The following KIF16B variants were observed in gnomAD, a reference collection of about 807,000 sequenced individuals.
KIF16B encodes kinesin family member 16B.
A neutral mutation model predicts 156.3 loss-of-function variants in KIF16B; 98 were observed. The observed-to-expected ratio is 0.63, with a 90% CI of 0.53 to 0.74. The LOEUF (loss-of-function observed/expected upper bound fraction) is 0.74. Ranked by LOEUF, KIF16B falls within the 30% of genes least tolerant of loss-of-function variation. The pLI is 0.00. For synonymous variants in KIF16B, 564 were observed against 583.7 expected, an observed-to-expected ratio of 0.97 and a Z score of 0.49; for missense variants, 1,421 against 1,606.5, an observed-to-expected ratio of 0.88 and a Z score of 1.97.
chr20:16,384,513 C>G (rs1157873382), intron 17 of KIF16B, among the ~76,000 whole-genome samples: 1 of 152,124 alleles, frequency 6.6e-6, no homozygotes, highest in Non-Finnish European at 1.5e-5. Context: ...AGAAGCTGGA[C>G]AGTGAAGAGC....
At position 16,503,098 on chromosome 20, in the gene KIF16B, C is replaced by A. The variant is rs1429898684; in HGVS notation, c.1176+1274G>T. Among the ~76,000 whole-genome samples, 4 of 152,160 alleles carry A rather than the reference C, an allele frequency of 2.6e-5. No individual in the cohort carries two copies. In the East Asian group the frequency reaches 7.7e-4, roughly 29 times the overall value. ...AGGCATGGTGGCAGGCACCTCCCAG[C>A]TACTCAGGAGGCTGAGGCATGAGAA... On this transcript the variant is annotated intron_variant, in intron 10 of 25. Transcript: ENST00000354981.
intron 25 of KIF16B, among the ~76,000 whole-genome samples, chr20:16,277,411 A>T (rs1333117891): frequency 1.3e-5 from 2 of 151,052 alleles, no homozygotes; most frequent in African/African-American, 2.4e-5. Flanking sequence ...TTTACACTCA[A>T]ATCTAAGCTT....
chr20:16,458,129 T>C (rs1291041408), intron 12 of KIF16B, among the ~76,000 whole-genome samples: 2 of 152,256 alleles, frequency 1.3e-5, no homozygotes, highest in Middle Eastern at 3.4e-3. Flanking sequence ...ATGCAGCTGC[T>C]GTAAGAGCAA....
intron 12 of KIF16B, among the ~76,000 whole-genome samples, chr20:16,436,478 A>G (rs574345810): frequency 6.6e-6 from 1 of 152,330 alleles, no homozygotes; most frequent in South Asian, 2.1e-4. Context: ...GAGTCAGCTC[A>G]GCTCTCACTT....
intron 23 of KIF16B, among the ~76,000 whole-genome samples, chr20:16,340,394 T>C (rs1166108614): frequency 6.6e-6 from 1 of 152,230 alleles, no homozygotes; most frequent in Non-Finnish European, 1.5e-5. Flanking sequence ...CTGGATTTAC[T>C]AATATATCTT....
chr20:16,346,799 C>A (rs889154215), intron 23 of KIF16B, among the ~76,000 whole-genome samples: 1 of 152,210 alleles, frequency 6.6e-6, no homozygotes, highest in African/African-American at 2.4e-5. Flanking sequence ...TCTGCCAACA[C>A]CTCTGTGAAG....
Position 16,443,191 on chromosome 20 carries a change from C to T in KIF16B, c.1303-13209G>A, listed in dbSNP as rs2066849196. Among the ~76,000 whole-genome samples, 6 of 152,152 alleles carry T rather than the reference C, an allele frequency of 3.9e-5. No individual in the cohort carries two copies. In the South Asian group the frequency reaches 1.0e-3, roughly 26 times the overall value. On this transcript the variant is annotated intron_variant, in intron 12 of 25. Transcript: ENST00000354981. ...AAGAGAGAATATAACCCCCTTCCACCTTGTATTAATCAAATATTCACTCCA... is the reference window on the plus strand; with the variant it reads ...AAGAGAGAATATAACCCCCTTCCACTTTGTATTAATCAAATATTCACTCCA...
chr20:16,326,616 T>C (rs2063854699), intron 24 of KIF16B, among the ~76,000 whole-genome samples: 1 of 151,948 alleles, frequency 6.6e-6, no homozygotes, highest in Non-Finnish European at 1.5e-5. Flanking sequence ...AAACCCACAA[T>C]GCGATACCAC....
At position 16,311,573 on chromosome 20, in the gene KIF16B, G is replaced by A. The variant is rs369367915; in HGVS notation, c.3795+762C>T. ...CCTGAAAGCTTGCTAACACTAGGTC[G>A]TCATCAGCTATTTGCACTTCTGTCC... On this transcript the variant is annotated intron_variant, in intron 25 of 25. Transcript: ENST00000354981. 2.3e-4 allele frequency among the ~76,000 whole-genome samples: 35 copies of A among 152,296 alleles called. No individual in the cohort carries two copies. In the East Asian group the frequency reaches 2.9e-3, roughly 13 times the overall value.
At chr20:16,468,575 C>CAAAAAAA (rs550510241) in intron 12 of KIF16B, among the ~76,000 whole-genome samples, 1 of 35,854 alleles carries the variant, frequency 2.8e-5, no homozygotes, top group African/African-American at 1.0e-4. Flanking sequence ...GACTCCGTCT[C>CAAAAAAA]AAAAAAAAAA....
At chr20:16,497,553 A>G (rs1457711314) in intron 11 of KIF16B, 60 bp downstream of exon 11, 1 of 1,317,442 alleles carries the variant, frequency 7.6e-7, no homozygotes, top group Non-Finnish European at 1.1e-6. Flanking sequence ...CTAAAAAAGC[A>G]TGCACTTAAA....
At chr20:16,340,029 G>A (rs953393741) in intron 23 of KIF16B, among the ~76,000 whole-genome samples, 5 of 152,252 alleles carry the variant, frequency 3.3e-5, no homozygotes, top group Admixed American at 2.0e-4. Context: ...CTCACTCAGG[G>A]TATGAGTTCG....
chr20:16,476,993 C>T (rs1276296346), intron 12 of KIF16B, among the ~76,000 whole-genome samples: 2 of 151,940 alleles, frequency 1.3e-5, no homozygotes, highest in African/African-American at 4.8e-5. Flanking sequence ...ATAATCCGCC[C>T]GCCTCAGCCT....
chr20:16,490,735 T>C (rs2068264782), intron 12 of KIF16B, among the ~76,000 whole-genome samples: 2 of 152,124 alleles, frequency 1.3e-5, no homozygotes, highest in Non-Finnish European at 2.9e-5. Context: ...GCCTCCAGAA[T>C]TGTGAGCAAA....
In KIF16B at chr20:16,537,220, A is replaced by G. The variant is rs183372421; in HGVS notation, c.48-8780T>C. ...AGTCCAACTCTCAGTGCTACTATACAAAGTCCTTCATGATCTGACCCTAGT... is the reference window on the plus strand; with the variant it reads ...AGTCCAACTCTCAGTGCTACTATACGAAGTCCTTCATGATCTGACCCTAGT... On this transcript the variant is annotated intron_variant, in intron 1 of 25. Transcript: ENST00000354981. 1.2e-4 allele frequency among the ~76,000 whole-genome samples: 19 copies of G among 152,266 alleles called. No individual in the cohort carries two copies. In the East Asian group the frequency reaches 3.7e-3, roughly 29 times the overall value.
chr20:16,348,354 C>T (rs1335258931), intron 23 of KIF16B, among the ~76,000 whole-genome samples: 1 of 152,196 alleles, frequency 6.6e-6, no homozygotes, highest in East Asian at 1.9e-4. Flanking sequence ...GTATCTTGAT[C>T]TACTAACTAG....
At chr20:16,554,619 T>C (rs1211342681) in intron 1 of KIF16B, among the ~76,000 whole-genome samples, 4 of 152,224 alleles carry the variant, frequency 2.6e-5, no homozygotes, top group Non-Finnish European at 5.9e-5. Flanking sequence ...AGCTGTAGCA[T>C]GAACAGGGCC....
chr20:16,277,593 A>C (rs1281110089), intron 25 of KIF16B, among the ~76,000 whole-genome samples: 1 of 152,064 alleles, frequency 6.6e-6, no homozygotes, highest in African/African-American at 2.4e-5. Context: ...GAAAATTAAA[A>C]TCCCCCTGTC....
At chr20:16,425,370 T>C (rs897244603) in intron 15 of KIF16B, among the ~76,000 whole-genome samples, 1 of 152,088 alleles carries the variant, frequency 6.6e-6, no homozygotes, top group African/African-American at 2.4e-5. Context: ...ACCCTTTAAA[T>C]AGATAAATGA....
Sources: gnomAD v4.1 joint callset for allele counts (sites outside exome capture counted in the v4.1 genomes callset) on GRCh38, gnomAD v4.1.1 for gene constraint, MANE v1.5 for transcripts, NCBI Gene and HGNC (gene_info 2026-07-23, HGNC 2026-07-21) for gene names.